The following TSHR variants were observed in gnomAD, a reference collection of about 807,000 sequenced individuals.
TSHR encodes the protein thyroid stimulating hormone receptor.
Under a neutral mutation model 64.1 loss-of-function variants are expected in TSHR, and 51 were observed. That is an observed-to-expected ratio of 0.80 (90% CI 0.64 to 1.01). The LOEUF is 1.01. Ranked by LOEUF, TSHR falls within the 50% of genes least tolerant of loss-of-function variation. The pLI is 0.00. For missense variants in TSHR, 877 were observed against 942.8 expected (o/e 0.93, Z 0.91); for synonymous variants, 361 against 361.9 (o/e 1.00, Z 0.03).
chr14:81,005,153 C>T (rs976586482), intron 1 of TSHR, among the ~76,000 whole-genome samples: 2 of 152,046 alleles, frequency 1.3e-5, no homozygotes, highest in Admixed American at 1.3e-4. Context: ...TGTCTATGCA[C>T]TGGTCCTGTT....
chr14:81,073,743 C>A (rs879519028), intron 3 of TSHR, among the ~76,000 whole-genome samples: 18 of 152,062 alleles, frequency 1.2e-4, no homozygotes, highest in Admixed American at 8.5e-4. Flanking sequence ...AAAAATAAAT[C>A]ATTTATGTAT....
chr14:81,094,679 ATTT>A (rs1162262371), intron 6 of TSHR, among the ~76,000 whole-genome samples: 3 of 76,260 alleles, frequency 3.9e-5, no homozygotes, highest in Non-Finnish European at 6.4e-5. Flanking sequence ...TATTTTTTTA[ATTT>A]TTTTTTTTTT....
intron 1 of TSHR, chr14:80,983,343 T>C: frequency 9.0e-7 from 1 of 1,105,444 alleles, no homozygotes; most frequent in South Asian, 1.6e-5. Context: ...TTCAGAGCTT[T>C]TTCATTTGCC....
At chr14:81,058,967 T>A (rs1886027696) in intron 1 of TSHR, among the ~76,000 whole-genome samples, 1 of 152,072 alleles carries the variant, frequency 6.6e-6, no homozygotes, top group African/African-American at 2.4e-5. Flanking sequence ...AACAGATAGA[T>A]GACAAACATT....
chr14:81,105,253 ATG>A, intron 7 of TSHR: 1 of 982,622 alleles, frequency 1.0e-6, no homozygotes, highest in South Asian at 4.7e-5. Flanking sequence ...AGGAAATGTC[ATG>A]TGATAAATGA....
At chr14:81,126,709 C>T (rs1891034539) in intron 8 of TSHR, among the ~76,000 whole-genome samples, 2 of 152,192 alleles carry the variant, frequency 1.3e-5, no homozygotes, top group South Asian at 4.1e-4. Flanking sequence ...TAGCCAGGAG[C>T]TCGTAACAGT....
intron 1 of TSHR, among the ~76,000 whole-genome samples, chr14:81,020,426 T>C (rs1043299877): frequency 6.6e-6 from 1 of 152,178 alleles, no homozygotes; most frequent in East Asian, 1.9e-4. Flanking sequence ...ACCTGAGCTC[T>C]GCCTCCTGTC....
intron 1 of TSHR, among the ~76,000 whole-genome samples, chr14:80,956,871 A>G (rs990208706): frequency 5.3e-5 from 8 of 152,194 alleles, no homozygotes; most frequent in Non-Finnish European, 1.0e-4. Flanking sequence ...TAATTAGTTC[A>G]ATAACCTCCA....
intron 1 of TSHR, among the ~76,000 whole-genome samples, chr14:80,960,334 A>G (rs1886951600): frequency 6.6e-6 from 1 of 152,224 alleles, no homozygotes; most frequent in Non-Finnish European, 1.5e-5. Flanking sequence ...TCTGAATAAC[A>G]ATTGTTTCCA....
chr14:81,105,000 T>A (rs1375995643), intron 7 of TSHR: 1 of 985,322 alleles, frequency 1.0e-6, no homozygotes, highest in African/African-American at 1.7e-5. Flanking sequence ...TTTCAAAAAG[T>A]ATTTCCTTTC....
chr14:81,084,974 T>C (rs760810876), intron 3 of TSHR, among the ~76,000 whole-genome samples: 1 of 152,222 alleles, frequency 6.6e-6, no homozygotes, highest in African/African-American at 2.4e-5. Flanking sequence ...GATTGATTGA[T>C]TGATTGAGAC....
chr14:81,047,593 C>G (rs1885226495), intron 1 of TSHR, among the ~76,000 whole-genome samples: 1 of 151,634 alleles, frequency 6.6e-6, no homozygotes, highest in South Asian at 2.1e-4. Flanking sequence ...TGCTAAAGCC[C>G]ACATTGCCAT....
intron 5 of TSHR, 41 bp from the exon 6 acceptor site, chr14:81,092,490 A>G: frequency 6.3e-7 from 1 of 1,586,970 alleles, no homozygotes. Context: ...GCAGAAGGAA[A>G]GCATTTTTTC....
In TSHR at chr14:81,108,993, C is replaced by T. The variant is rs555664637; in HGVS notation, c.692+541C>T. ...TTTGATTTACACCCCCACATCCAAT[C>T]AGTGATCAGGTTCTATTGATTCTGC... On this transcript the variant is annotated intron_variant, in intron 8 of 9. Transcript: ENST00000298171. The T allele has an allele frequency of 7.1e-6, 9 of 1,270,528 alleles. No individual in the cohort carries two copies. The South Asian group carries it at 1.5e-4, about 21-fold the overall frequency. 78.7% of individuals were successfully genotyped at this position (1,270,528 alleles called of 1,614,324 possible).
In TSHR at chr14:81,076,689, C is replaced by T. The variant is rs79742934; in HGVS notation, c.317+8361C>T. Among the ~76,000 whole-genome samples the T allele has an allele frequency of 9.7e-3, 1,479 of 152,266 alleles. 27 individuals are homozygous for T. Among genetic ancestry groups the T allele is most frequent in the African/African-American group, 0.033 (1,387 of 41,546 alleles). The stretch of plus-strand genomic sequence containing the variant: ...CTGTTGATTCTACTACCCTAATATA[C>T]AGAAAATGTATCCTCTTCCTCTCCA... On this transcript the variant is annotated intron_variant, in intron 3 of 9. Transcript: ENST00000298171.
At chr14:81,116,909 G>A (rs1890541305) in intron 8 of TSHR, among the ~76,000 whole-genome samples, 1 of 145,120 alleles carries the variant, frequency 6.9e-6, no homozygotes, top group African/African-American at 2.6e-5. Flanking sequence ...CATGGAAACT[G>A]AACAACCTGC....
At chr14:80,985,311 A>T (rs1888386095) in intron 1 of TSHR, among the ~76,000 whole-genome samples, 1 of 152,106 alleles carries the variant, frequency 6.6e-6, no homozygotes, top group Non-Finnish European at 1.5e-5. Flanking sequence ...TCATGCCTTA[A>T]TTTTTTTTAT....
chr14:81,029,383 G>T (rs983064674), intron 1 of TSHR, among the ~76,000 whole-genome samples: 1 of 152,034 alleles, frequency 6.6e-6, no homozygotes, highest in East Asian at 1.9e-4. Flanking sequence ...TACCCTAGGA[G>T]TTTAGATCAT....
intron 9 of TSHR, among the ~76,000 whole-genome samples, chr14:81,141,772 A>T (rs1375107326): frequency 1.3e-5 from 2 of 152,220 alleles, no homozygotes; most frequent in African/African-American, 2.4e-5. Context: ...TTTTATTTTT[A>T]AAATATTCAG....
Sources: allele counts gnomAD v4.1 joint callset (sites outside exome capture counted in the v4.1 genomes callset), GRCh38; gene constraint gnomAD v4.1.1; transcripts MANE v1.5; gene names NCBI Gene and HGNC (gene_info 2026-07-23, HGNC 2026-07-21).